Variants in CNTN4 observed in about 807,000 individuals in gnomAD.
CNTN4 encodes contactin 4, also known as contactin-4.
A neutral mutation model predicts 122.5 loss-of-function variants in CNTN4; 77 were observed. The observed-to-expected ratio is 0.63, with a 90% CI of 0.52 to 0.76. The LOEUF is 0.76. Ranked by LOEUF, CNTN4 falls within the 30% of genes least tolerant of loss-of-function variation. The pLI is 0.00. For missense variants in CNTN4, 1,256 were observed against 1,259.1 expected (o/e 1.00, Z 0.04); for synonymous variants, 512 against 447.0 (o/e 1.15, Z -1.83).
At chr3:2,994,486 G>T (rs1370636761) in intron 14 of CNTN4, among the ~76,000 whole-genome samples, 1 of 151,652 alleles carries the variant, frequency 6.6e-6, no homozygotes, top group Non-Finnish European at 1.5e-5. Flanking sequence ...AAGCCGAAAA[G>T]GTTCCTGTGG....
intron 7 of CNTN4, among the ~76,000 whole-genome samples, chr3:2,827,620 A>G (rs1482159469): frequency 2.0e-5 from 3 of 152,218 alleles, no homozygotes; most frequent in African/African-American, 7.2e-5. Flanking sequence ...ATGCTCTGGC[A>G]TTGTGGCTTT....
intron 4 of CNTN4, among the ~76,000 whole-genome samples, chr3:2,622,274 G>A (rs765433991): frequency 2.6e-5 from 4 of 152,094 alleles, no homozygotes; most frequent in Non-Finnish European, 5.9e-5. Flanking sequence ...GTCTCCTTTG[G>A]ACAAGAATAT....
chr3:2,778,731 A>C (rs940765252), intron 6 of CNTN4, among the ~76,000 whole-genome samples: 1 of 152,226 alleles, frequency 6.6e-6, no homozygotes, highest in Non-Finnish European at 1.5e-5. Flanking sequence ...TGGGTTCAGC[A>C]TAATGGGGGA....
At chr3:2,309,326 T>A (rs1459314295) in intron 2 of CNTN4, among the ~76,000 whole-genome samples, 1 of 152,188 alleles carries the variant, frequency 6.6e-6, no homozygotes, top group African/African-American at 2.4e-5. Flanking sequence ...CTTTTAACTT[T>A]CAGCCTGTTT....
chr3:2,866,373 G>A (rs2093723975), intron 7 of CNTN4: 1 of 605,928 alleles, frequency 1.7e-6, no homozygotes, highest in Non-Finnish European at 2.2e-6. Context: ...TTCCAGGGTG[G>A]CTTCCAGCAT....
chr3:2,187,665 A>G (rs1335095845), intron 2 of CNTN4, among the ~76,000 whole-genome samples: 1 of 152,166 alleles, frequency 6.6e-6, no homozygotes, highest in Non-Finnish European at 1.5e-5. Flanking sequence ...GACTACATGC[A>G]GAGATGTATT....
rs1234703276 is a variant in CNTN4 at position 2,779,255 on chromosome 3, TTG to T, written c.358+33560_358+33561del. 5.3e-5 allele frequency among the ~76,000 whole-genome samples: 8 copies of T among 151,756 alleles called. No homozygotes were observed. In the East Asian group the frequency reaches 1.2e-3, roughly 22 times the overall value. ...TTGTGGTGTTGTTTGTTTTGTTTGT[TTG>T]TTTGTTTGTTTGTTTTTGTTGGTTC... On this transcript the variant is annotated intron_variant, in intron 6 of 24. Coordinates refer to ENST00000418658, the MANE Select transcript of CNTN4 (RefSeq NM_175607.3).
chr3:2,912,555 C>T (rs2094312254), intron 12 of CNTN4, among the ~76,000 whole-genome samples: 1 of 151,898 alleles, frequency 6.6e-6, no homozygotes, highest in Non-Finnish European at 1.5e-5. Flanking sequence ...ATTGTAGGTA[C>T]AAAAATCACT....
At chr3:2,139,954 G>A (rs563380373) in intron 2 of CNTN4, among the ~76,000 whole-genome samples, 1 of 152,310 alleles carries the variant, frequency 6.6e-6, no homozygotes, top group East Asian at 1.9e-4. Flanking sequence ...CTGTCATGGG[G>A]GGCACCCAGT....
rs556006045 is a variant in CNTN4 at position 2,582,610 on chromosome 3, C to G, written c.55+11052C>G. On this transcript the variant is annotated intron_variant, in intron 4 of 24. Coordinates refer to ENST00000418658, the MANE Select transcript of CNTN4 (RefSeq NM_175607.3). ...GAGTGAACTCTCTCATGTTAATTCA[C>G]CTGAGGTGTGATATTGGATTCCACC... Among the ~76,000 whole-genome samples the G allele has an allele frequency of 8.5e-5, 13 of 152,262 alleles. No homozygotes were observed. In the South Asian group the frequency reaches 2.7e-3, roughly 32 times the overall value.
At chr3:2,154,354 C>A (rs1280518933) in intron 2 of CNTN4, among the ~76,000 whole-genome samples, 1 of 151,110 alleles carries the variant, frequency 6.6e-6, no homozygotes, top group Non-Finnish European at 1.5e-5. Flanking sequence ...TGCACTCCAG[C>A]CTGGGTGACA....
intron 2 of CNTN4, among the ~76,000 whole-genome samples, chr3:2,175,196 A>G (rs2036697075): frequency 6.6e-6 from 1 of 152,196 alleles, no homozygotes; most frequent in Non-Finnish European, 1.5e-5. Flanking sequence ...TCACTGTCCT[A>G]TTTTAGGAAA....
At chr3:2,408,726 A>G (rs1287888675) in intron 3 of CNTN4, among the ~76,000 whole-genome samples, 2 of 152,202 alleles carry the variant, frequency 1.3e-5, no homozygotes. Context: ...TATAGTATTT[A>G]TCAATACTAG....
At chr3:2,335,904 G>T (rs1371581322) in intron 2 of CNTN4, among the ~76,000 whole-genome samples, 1 of 152,092 alleles carries the variant, frequency 6.6e-6, no homozygotes, top group Non-Finnish European at 1.5e-5. Flanking sequence ...ACTATACGTT[G>T]GATCCATTCA....
At chr3:2,715,600 C>T (rs964673484) in intron 4 of CNTN4, among the ~76,000 whole-genome samples, 1 of 152,198 alleles carries the variant, frequency 6.6e-6, no homozygotes, top group Non-Finnish European at 1.5e-5. Context: ...TAACAAAATA[C>T]CATAAACTGG....
chr3:2,173,329 A>T (rs1004952031), intron 2 of CNTN4, among the ~76,000 whole-genome samples: 1 of 152,212 alleles, frequency 6.6e-6, no homozygotes, highest in African/African-American at 2.4e-5. Context: ...CAGCCAAGAC[A>T]TACAGAATGG....
chr3:2,792,352 C>T lies in CNTN4; in HGVS notation c.359-27134C>T, dbSNP rs538773519. 7.2e-5 allele frequency among the ~76,000 whole-genome samples: 11 copies of T among 152,290 alleles called. No individual in the cohort carries two copies. In the South Asian group the frequency reaches 2.3e-3, roughly 32 times the overall value. On this transcript the variant is annotated intron_variant, in intron 6 of 24. Coordinates refer to ENST00000418658, the MANE Select transcript of CNTN4 (RefSeq NM_175607.3). The stretch of plus-strand genomic sequence containing the variant: ...TCGTGATAATGGCTTAATATATAAT[C>T]TTTATTTCACAGATGAATCATTTCA...
intron 7 of CNTN4, among the ~76,000 whole-genome samples, chr3:2,832,392 T>A (rs762445046): frequency 2.6e-5 from 4 of 152,148 alleles, no homozygotes; most frequent in Non-Finnish European, 5.9e-5. Context: ...GAAATCATCA[T>A]ACTGAGATGT....
intron 3 of CNTN4, among the ~76,000 whole-genome samples, chr3:2,468,977 C>T (rs2075596922): frequency 6.6e-6 from 1 of 152,166 alleles, no homozygotes; most frequent in South Asian, 2.1e-4. Context: ...ACATAAGCAT[C>T]TGGCAAGGAG....
Sources: gnomAD v4.1 joint callset for allele counts (sites outside exome capture counted in the v4.1 genomes callset) on GRCh38, gnomAD v4.1.1 for gene constraint, MANE v1.5 for transcripts, NCBI Gene and HGNC (gene_info 2026-07-23, HGNC 2026-07-21) for gene names.